Variants in E4F1 observed in about 807,000 individuals in gnomAD.
E4F1 encodes the protein transcription factor E4F1.
Under a neutral mutation model 72.9 loss-of-function variants are expected in E4F1, and 30 were observed. The ratio of observed to expected loss-of-function variants is 0.41; its 90% CI spans 0.31 to 0.56. The LOEUF is 0.56. Ranked by LOEUF, E4F1 falls within the 20% of genes least tolerant of loss-of-function variation. The pLI is 0.25. For synonymous variants in E4F1, 542 were observed against 478.2 expected (o/e 1.13, Z -1.74); for missense variants, 1,091 against 1,117.5 (o/e 0.98, Z 0.34).
rs542965861 is a variant in E4F1, at chr16:2,235,567, G to A, written c.2350G>A (p.Val784Ile). 7.5e-6 allele frequency: 12 copies of A among 1,592,604 alleles called. No individual in the cohort carries two copies. The highest frequency in any genetic ancestry group is 5.4e-5 in the African/African-American group (4 of 74,716). Residue 784 changes from valine (V) to isoleucine (I), a missense_variant, in exon 14 of 14, where the codon GTC becomes ATC. This residue lies in a region of E4F1 where 622 missense variants were observed against 628.0 expected (regional missense o/e 0.99). Transcript: ENST00000301727. Reference protein sequence around the residue: ...EGQLEVQTVIV With the variant: ...EGQLEVQTVII ...CCAGCTGGAGGTGCAGACGGTCATC[G>A]TCTAGCATGAGGTCTGCGGGGTCCT...
At chr16:2,227,826 CT>C (rs34008168) in intron 1 of E4F1, among the ~76,000 whole-genome samples, 11,770 of 132,850 alleles carry the variant, frequency 0.089, 1,484 homozygotes, top group African/African-American at 0.3. Flanking sequence ...GTTTTAAAAA[CT>C]TTTTTTTTTT....
intron 1 of E4F1, among the ~76,000 whole-genome samples, chr16:2,226,474 C>G (rs1427517698): frequency 6.6e-6 from 1 of 152,176 alleles, no homozygotes; most frequent in Non-Finnish European, 1.5e-5. Context: ...GTTGGGTGGC[C>G]CCTGCAGGCG....
chr16:2,232,673 CG>C lies in E4F1; in HGVS notation c.731-78del. The C allele has an allele frequency of 3.1e-6, 5 of 1,604,870 alleles. No individual in the cohort carries two copies. The South Asian group carries it at 4.4e-5, about 14-fold the overall frequency. ...CATTCCCCAGCTTTGGGGGATGAGGCGGGGGCCCCTGCCTGCCTTCGCCTTG... is the reference window on the plus strand; with the variant it reads ...CATTCCCCAGCTTTGGGGGATGAGGCGGGGCCCCTGCCTGCCTTCGCCTTG... On this transcript the variant is annotated intron_variant, in intron 5 of 13. Coordinates refer to ENST00000301727, the MANE Select transcript of E4F1 (RefSeq NM_004424.5).
chr16:2,227,959 C>G (rs531141181), intron 1 of E4F1, among the ~76,000 whole-genome samples: 5 of 151,998 alleles, frequency 3.3e-5, no homozygotes, highest in African/African-American at 4.8e-5. Context: ...CCACCATGCC[C>G]GGCCCCAGCA....
In E4F1 at chr16:2,235,617, ACT is replaced by A. The variant is rs2093503945; in HGVS notation, c.*48_*49del. ...TGGCCGGGCAGGGACAGGGCAGAGGACTCTGAGCGCCCCACCCATGCCTGCCT... is the reference window on the plus strand; with the variant it reads ...TGGCCGGGCAGGGACAGGGCAGAGGACTGAGCGCCCCACCCATGCCTGCCT... On this transcript the variant is annotated 3_prime_UTR_variant, in exon 14 of 14. Coordinates refer to ENST00000301727, the MANE Select transcript of E4F1 (RefSeq NM_004424.5). The A allele has an allele frequency of 4.0e-6, 6 of 1,496,988 alleles. No homozygotes were observed. The highest frequency in any genetic ancestry group is 4.5e-6 in the Non-Finnish European group (5 of 1,115,044). 92.7% of individuals were successfully genotyped at this position (1,496,988 alleles called of 1,614,324 possible). A position where few individuals can be genotyped will look rare whatever the true frequency, so the allele number is the denominator to read the frequency against.
intron 2 of E4F1, 65 bp from the exon 3 acceptor site, chr16:2,229,505 C>T: frequency 3.3e-6 from 5 of 1,535,458 alleles, no homozygotes; most frequent in Non-Finnish European, 4.5e-6. Flanking sequence ...GAGCCCAGGC[C>T]TCTTCTCTGA....
chr16:2,229,283 G>A (rs544810298), intron 2 of E4F1, among the ~76,000 whole-genome samples: 71 of 152,378 alleles, frequency 4.7e-4, no homozygotes, highest in Non-Finnish European at 7.1e-4. Flanking sequence ...CAGAGTTGCT[G>A]CTCCCTCCCT....
rs1393505550 is a variant in E4F1, at chr16:2,233,962, C to G, written c.1347C>G (p.Thr449=). 4 of 1,598,450 alleles carry G rather than the reference C, an allele frequency of 2.5e-6. No individual in the cohort carries two copies. The highest frequency in any genetic ancestry group is 3.4e-6 in the Non-Finnish European group (4 of 1,172,906). ...GTGAGACCTTCCCGACAGCAGCCAC[C>G]CTGGAGGCCCACAAGAGGGGCCACA... ...QCSETFPTAA[T]LEAHKRGHTG... The change falls in exon 9 of 14, where the codon ACC becomes ACG. Residue 449 remains threonine, a synonymous_variant. Transcript: ENST00000301727.
Position 2,233,909 on chromosome 16 carries a change from C to T in E4F1, c.1294C>T (p.Pro432Ser). The change falls in exon 9 of 14, where the codon CCC (proline) becomes TCC (serine). Residue 432 changes from proline to serine, a missense_variant. Pro to Ser is a moderately conservative substitution (Grantham distance 74, BLOSUM62 -1). Around this residue, in one of 5 missense-constraint regions of E4F1, gnomAD observed 622 missense variants for 628.0 expected, o/e 0.99. Transcript: ENST00000301727. Reference protein sequence around the residue: ...TQVASEASAVPRTHPCPQCSE... With the variant: ...TQVASEASAVSRTHPCPQCSE... ...GGTGGCCAGCGAGGCCTCAGCGGTG[C>T]CCAGGACCCACCCATGTCCTCAGTG... The T allele has an allele frequency of 1.2e-6, 2 of 1,601,542 alleles. No individual in the cohort carries two copies. Among genetic ancestry groups the T allele is most frequent in the South Asian group, 1.1e-5 (1 of 89,140 alleles).
At chr16:2,230,695 C>G (rs1271972324) in intron 3 of E4F1, 2 of 151,718 alleles carry the variant, frequency 1.3e-5, no homozygotes, top group Admixed American at 1.3e-4. Context: ...GAGCAGGCTG[C>G]TCTCCAGGAG....
intron 1 of E4F1, among the ~76,000 whole-genome samples, chr16:2,226,897 T>C (rs910128129): frequency 6.6e-6 from 1 of 152,148 alleles, no homozygotes; most frequent in African/African-American, 2.4e-5. Context: ...AGCAGAGTGG[T>C]TGTGGGTCAG....
At chr16:2,224,044 T>G in intron 1 of E4F1, 50 of 1,190,560 alleles carry the variant, frequency 4.2e-5, no homozygotes, top group Middle Eastern at 2.4e-4. Context: ...GTGTAGACAT[T>G]CGCAGACGCC....
At chr16:2,223,938 C>T (rs2093414709) in intron 1 of E4F1, 168 bp downstream of exon 1, 2 of 1,528,106 alleles carry the variant, frequency 1.3e-6, no homozygotes, top group Non-Finnish European at 1.7e-6. Context: ...AGGTTTGCTG[C>T]GACCCTCACG....
At chr16:2,228,673 G>C (rs1436105162) in intron 2 of E4F1, 150 bp downstream of exon 2, 8 of 1,042,724 alleles carry the variant, frequency 7.7e-6, no homozygotes, top group South Asian at 3.2e-5. Flanking sequence ...GGGAGGGTCC[G>C]GGTGTGTGAG....
Position 2,229,553 on chromosome 16 carries a change from T to C in E4F1, c.310-17T>C. 6.2e-7 allele frequency: 1 copy of C among 1,606,664 alleles called. No individual in the cohort carries two copies. The highest frequency in any genetic ancestry group is 1.3e-5 in the African/African-American group (1 of 75,028). ...GAGCATACAGACGACTCCCCTGTTTTCTTCCCCCTTTGGCAGGTGGTGCCG... is the reference window on the plus strand; with the variant it reads ...GAGCATACAGACGACTCCCCTGTTTCCTTCCCCCTTTGGCAGGTGGTGCCG... On this transcript the variant is annotated splice_polypyrimidine_tract_variant and intron_variant, in intron 2 of 13. Transcript: ENST00000301727.
Position 2,226,409 on chromosome 16 carries a change from G to C in E4F1, c.158-1963G>C, listed in dbSNP as rs574817067. 3.3e-5 allele frequency among the ~76,000 whole-genome samples: 5 copies of C among 152,306 alleles called. No homozygotes were observed. In the East Asian group the frequency reaches 9.7e-4, roughly 29 times the overall value. On this transcript the variant is annotated intron_variant, in intron 1 of 13. Coordinates refer to ENST00000301727, the MANE Select transcript of E4F1 (RefSeq NM_004424.5). ...GTAGGGTGGGAAGGGGAAGAGGGTG[G>C]TGGGCACCTTAGAGCTTGGTTTGTG...
Position 2,234,772 on chromosome 16 carries a change from C to T in E4F1, c.1783C>T (p.Arg595Cys), listed in dbSNP as rs1330193655. Residue 595 changes from arginine (R) to cysteine (C), a missense_variant, in exon 11 of 14, where the codon CGC (arginine) becomes TGC (cysteine). Transcript: ENST00000301727. ...AEHGTLNRHL[R>C]TKGGCLLEVE... is the part of the protein sequence containing the mutation. ...GCACGGCACGCTGAACCGGCACCTG[C>T]GCACCAAAGGTCTGGGCCGGTGGAG... 7.1e-6 allele frequency: 11 copies of T among 1,547,376 alleles called. No individual in the cohort carries two copies. Among genetic ancestry groups the T allele is most frequent in the East Asian group, 4.9e-5 (2 of 40,938 alleles).
chr16:2,232,447 C>A lies in E4F1; in HGVS notation c.610-9C>A. On this transcript the variant is annotated splice_polypyrimidine_tract_variant and intron_variant, in intron 4 of 13. Transcript: ENST00000301727. ...GGAGGGCCCTGAGCTGCCACGCCCT[C>A]CCCCACAGGGCAGCATCCTCAAGGC... 6.2e-7 allele frequency: 1 copy of A among 1,609,866 alleles called. No homozygotes were observed. The highest frequency in any genetic ancestry group is 1.1e-5 in the South Asian group (1 of 90,712).
intron 1 of E4F1, among the ~76,000 whole-genome samples, chr16:2,227,752 C>T (rs1011516636): frequency 6.6e-6 from 1 of 152,044 alleles, no homozygotes; most frequent in African/African-American, 2.4e-5. Flanking sequence ...ACACCTGTCT[C>T]AGCCTCCCAA....
Sources: allele counts gnomAD v4.1 joint callset (sites outside exome capture counted in the v4.1 genomes callset), GRCh38; gene constraint gnomAD v4.1.1; regional missense constraint gnomAD v4.1.1; transcripts MANE v1.5; gene names NCBI Gene and HGNC (gene_info 2026-07-23, HGNC 2026-07-21).